The following PCLO variants were observed in gnomAD, a reference collection of about 807,000 sequenced individuals.
PCLO encodes the protein protein piccolo.
PCLO carries 82 observed loss-of-function variants against 427.5 expected under a neutral mutation model. The ratio of observed to expected loss-of-function variants is 0.19; its 90% CI spans 0.16 to 0.23. The LOEUF is 0.23. Among genes scored for constraint, PCLO ranks in the 10% least tolerant of loss-of-function variants. PCLO has a pLI of 1.00. For synonymous variants in PCLO, 2,357 were observed against 2,155.4 expected (o/e 1.09, Z -2.59); for missense variants, 6,239 against 6,115.9 (o/e 1.02, Z -0.67).
intron 6 of PCLO, among the ~76,000 whole-genome samples, chr7:82,940,443 T>C (rs952077862): frequency 1.3e-5 from 2 of 152,182 alleles, no homozygotes; most frequent in Non-Finnish European, 2.9e-5. Context: ...GAAATTTAGA[T>C]TTGATCCAAA....
intron 9 of PCLO, among the ~76,000 whole-genome samples, chr7:82,880,709 TC>T (rs1212603862): frequency 1.3e-5 from 2 of 152,164 alleles, no homozygotes; most frequent in Non-Finnish European, 2.9e-5. Flanking sequence ...CCTAGGATTT[TC>T]CAGGCCAAAA....
chr7:83,072,234 A>G (rs1789834880), intron 3 of PCLO, among the ~76,000 whole-genome samples: 1 of 152,090 alleles, frequency 6.6e-6, no homozygotes, highest in Non-Finnish European at 1.5e-5. Context: ...GTATGCATGT[A>G]TGAGAATTTC....
chr7:83,056,110 T>A (rs534913444), intron 3 of PCLO, among the ~76,000 whole-genome samples: 1 of 152,284 alleles, frequency 6.6e-6, no homozygotes, highest in South Asian at 2.1e-4. Context: ...TAAATCAGAA[T>A]CATTTACAGT....
At chr7:83,050,408 T>C (rs1168690801) in intron 3 of PCLO, among the ~76,000 whole-genome samples, 1 of 151,776 alleles carries the variant, frequency 6.6e-6, no homozygotes, top group East Asian at 1.9e-4. Context: ...CTATTATTTC[T>C]TGGCTTCAAA....
chr7:82,838,621 G>A (rs916948656), intron 14 of PCLO, among the ~76,000 whole-genome samples: 7 of 151,828 alleles, frequency 4.6e-5, no homozygotes, highest in African/African-American at 1.7e-4. Context: ...TAGAATGCTG[G>A]TTATCTTTTT....
In PCLO at chr7:83,096,960, TAATA is replaced by T. The variant is rs1160706131; in HGVS notation, c.3300+37286_3300+37289del. ...TATATTATATATTATATAAATAATA[TAATA>T]TAATATATTATATATTATATAAATA... On this transcript the variant is annotated intron_variant, in intron 3 of 24. Coordinates refer to ENST00000333891, the MANE Select transcript of PCLO (RefSeq NM_033026.6). 6.8e-5 allele frequency among the ~76,000 whole-genome samples: 2 copies of T among 29,242 alleles called. 1 individual carries two copies. The highest frequency in any genetic ancestry group is 4.3e-4 in the African/African-American group (2 of 4,620). 19.2% of individuals were successfully genotyped at this position (29,242 alleles called of 152,430 possible).
At chr7:82,987,288 C>G (rs1796277281) in intron 3 of PCLO, among the ~76,000 whole-genome samples, 2 of 151,896 alleles carry the variant, frequency 1.3e-5, no homozygotes, top group Admixed American at 1.3e-4. Flanking sequence ...AAAATCCTCT[C>G]AGTTTCTAAA....
intron 3 of PCLO, among the ~76,000 whole-genome samples, chr7:82,990,604 C>T (rs1168342853): frequency 1.3e-5 from 2 of 152,096 alleles, no homozygotes; most frequent in Admixed American, 6.6e-5. Context: ...AGACTGTTAA[C>T]AGAAATCCGT....
chr7:82,967,642 T>G lies in PCLO; in HGVS notation c.3301-1155A>C, dbSNP rs77243679. Among the ~76,000 whole-genome samples, 294 of 152,302 alleles carry G rather than the reference T, an allele frequency of 1.9e-3. 6 individuals carry two copies. The East Asian group carries it at 0.044, about 23-fold the overall frequency. On this transcript the variant is annotated intron_variant, in intron 3 of 24. Coordinates refer to ENST00000333891, the MANE Select transcript of PCLO (RefSeq NM_033026.6). ...GGACCTGCCTTTTTGATAAACTGGTTGAGAATTTTTGCAAAGTAAATACTA... is the reference window on the plus strand; with the variant it reads ...GGACCTGCCTTTTTGATAAACTGGTGGAGAATTTTTGCAAAGTAAATACTA...
chr7:82,827,749 G>A (rs1045905736), intron 17 of PCLO, 124 bp downstream of exon 17: 32 of 547,270 alleles, frequency 5.8e-5, no homozygotes, highest in African/African-American at 5.1e-4. Context: ...TTTCTTACAT[G>A]TATTTTACTC....
intron 13 of PCLO, 55 bp downstream of exon 13, chr7:82,845,216 G>A: frequency 2.6e-6 from 3 of 1,166,126 alleles, no homozygotes; most frequent in Non-Finnish European, 3.9e-6. Flanking sequence ...CTGTCTCTAT[G>A]CTGAATAAAG....
In PCLO at chr7:82,952,774, C is replaced by T. The variant is rs374556751; in HGVS notation, c.8179G>A (p.Val2727Ile). 13 of 1,613,514 alleles carry T rather than the reference C, an allele frequency of 8.1e-6. No individual in the cohort carries two copies. Among genetic ancestry groups the T allele is most frequent in the East Asian group, 2.2e-5 (1 of 44,840 alleles). Reference sequence around the variant, plus strand: ...TTTGGTACTGTACGCAAATCAATTACATCACCAACAAGTTGCAATTTTCCA... The same window carrying T: ...TTTGGTACTGTACGCAAATCAATTATATCACCAACAAGTTGCAATTTTCCA... ...EDGKLQLVGD[V>I]IDLRTVPKVE... The change falls in exon 5 of 25, where the codon GTA (valine) becomes ATA (isoleucine). Residue 2727 changes from valine to isoleucine, a missense_variant. This residue lies in a region of PCLO where 4,677 missense variants were observed against 4,468.4 expected (regional missense o/e 1.05). Coordinates refer to ENST00000333891, the MANE Select transcript of PCLO (RefSeq NM_033026.6).
chr7:83,104,092 T>G (rs1253148887), intron 3 of PCLO, among the ~76,000 whole-genome samples: 1 of 151,626 alleles, frequency 6.6e-6, no homozygotes, highest in Non-Finnish European at 1.5e-5. Context: ...TAAACAAGTA[T>G]AGTAACAGTG....
chr7:82,833,897 T>C (rs1222945982), intron 16 of PCLO, among the ~76,000 whole-genome samples: 1 of 152,158 alleles, frequency 6.6e-6, no homozygotes, highest in Non-Finnish European at 1.5e-5. Flanking sequence ...GAAGATAAAA[T>C]AGTTTTAGAG....
At chr7:82,937,809 T>C (rs1794992452) in intron 6 of PCLO, among the ~76,000 whole-genome samples, 1 of 151,838 alleles carries the variant, frequency 6.6e-6, no homozygotes, top group African/African-American at 2.4e-5. Flanking sequence ...TTAAATATGT[T>C]GAAGGTGTGA....
chr7:82,964,860 C>T (rs1288087013), intron 4 of PCLO, among the ~76,000 whole-genome samples: 1 of 152,134 alleles, frequency 6.6e-6, no homozygotes, highest in Non-Finnish European at 1.5e-5. Flanking sequence ...GGTTGGTAAG[C>T]ATGTGTTAAA....
chr7:82,859,716 A>G (rs962339163), intron 10 of PCLO, among the ~76,000 whole-genome samples: 9 of 152,198 alleles, frequency 5.9e-5, no homozygotes, highest in Non-Finnish European at 1.2e-4. Context: ...GACCTCACCT[A>G]ATGAACTAAA....
intron 2 of PCLO, among the ~76,000 whole-genome samples, chr7:83,137,606 A>AT (rs981751305): frequency 3.3e-5 from 5 of 151,778 alleles, no homozygotes; most frequent in African/African-American, 1.2e-4. Flanking sequence ...GATTTTTGGT[A>AT]TTTTTTAGTA....
chr7:82,854,418 GTGA>G lies in PCLO; in HGVS notation c.13655-7174_13655-7172del, dbSNP rs376004349. 1.1e-4 allele frequency among the ~76,000 whole-genome samples: 17 copies of G among 151,992 alleles called. 1 individual carries two copies. The East Asian group carries it at 2.9e-3, about 26-fold the overall frequency. ...ACTCCATCATACACTTAAAAAACAT[GTGA>G]TACGTCATAATCTTATCTCTTCATA... On this transcript the variant is annotated intron_variant, in intron 10 of 24. Transcript: ENST00000333891.
Sources: gnomAD v4.1 joint callset for allele counts (sites outside exome capture counted in the v4.1 genomes callset) on GRCh38, gnomAD v4.1.1 for gene constraint, gnomAD v4.1.1 regional missense constraint, MANE v1.5 for transcripts, NCBI Gene and HGNC (gene_info 2026-07-23, HGNC 2026-07-21) for gene names.